USP34: variants seen among roughly 807,000 people sequenced by gnomAD.
USP34 encodes ubiquitin carboxyl-terminal hydrolase 34.
Under a neutral mutation model 460.3 loss-of-function variants are expected in USP34, and 70 were observed. The observed-to-expected ratio is 0.15, with a 90% CI of 0.13 to 0.19. The LOEUF is 0.19. USP34 is among the 10% of genes least tolerant of loss of function. The pLI is 1.00. For missense variants in USP34, 3,985 were observed against 4,236.2 expected (o/e 0.94, Z 1.65); for synonymous variants, 1,647 against 1,405.3 (o/e 1.17, Z -3.85).
intron 23 of USP34, 120 bp from the exon 24 acceptor site, chr2:61,315,094 AAAAT>A (rs1558525810): frequency 9.1e-6 from 6 of 656,864 alleles, no homozygotes; most frequent in Non-Finnish European, 1.5e-5. Context: ...TTAAATAATA[AAAAT>A]AAATGATTTA....
chr2:61,193,083 G>A (rs911641455), intron 75 of USP34, 103 bp from the exon 76 acceptor site: 2 of 860,440 alleles, frequency 2.3e-6, no homozygotes, highest in African/African-American at 1.7e-5. Context: ...AGTCATAACT[G>A]CATATTTTCT....
chr2:61,294,844 A>T, intron 32 of USP34, 105 bp downstream of exon 32: 1 of 900,610 alleles, frequency 1.1e-6, no homozygotes, highest in Non-Finnish European at 1.7e-6. Context: ...GCTTTATTTT[A>T]ATAGTATATT....
chr2:61,289,238 A>T (rs962649080), intron 33 of USP34, among the ~76,000 whole-genome samples: 2 of 152,148 alleles, frequency 1.3e-5, no homozygotes. Flanking sequence ...GATATTACTT[A>T]TCAATAAAAT....
rs777507525 is a variant in USP34, at chr2:61,293,518, T to C, written c.4494A>G (p.Leu1498=). The C allele has an allele frequency of 9.5e-5, 154 of 1,612,896 alleles. No individual in the cohort carries two copies. The highest frequency in any genetic ancestry group is 1.2e-4 in the Non-Finnish European group (138 of 1,179,398). ...CTAGAATTCCAGAATTAAAAATTTC[T>C]AATAACTGTTGAAGCCCTCCAGCAG... is the stretch of plus-strand genomic sequence containing the variant. The part of the protein sequence containing the change: ...FVAAGGLQQL[L]EIFNSGILEP... Residue 1498 remains leucine, a synonymous_variant, in exon 33 of 80, where the codon TTA becomes TTG. Coordinates refer to ENST00000398571, the MANE Select transcript of USP34 (RefSeq NM_014709.4).
At chr2:61,350,531 G>A (rs1328971958) in intron 11 of USP34, 37 bp downstream of exon 11, 3 of 1,560,370 alleles carry the variant, frequency 1.9e-6, no homozygotes, top group Non-Finnish European at 2.6e-6. Flanking sequence ...TCACTTCACG[G>A]GAAAAAAAAA....
chr2:61,350,051 G>A (rs1420632146), intron 12 of USP34, among the ~76,000 whole-genome samples: 1 of 151,876 alleles, frequency 6.6e-6, no homozygotes, highest in Non-Finnish European at 1.5e-5. Context: ...AGAAAATCCA[G>A]TAACTACAAA....
intron 8 of USP34, among the ~76,000 whole-genome samples, chr2:61,374,722 C>T (rs527295877): frequency 6.6e-6 from 1 of 152,068 alleles, no homozygotes; most frequent in South Asian, 2.1e-4. Context: ...TGATTCACCA[C>T]CAGGCCCAGC....
chr2:61,384,039 ATC>A (rs1395040645), intron 5 of USP34, among the ~76,000 whole-genome samples: 1 of 152,116 alleles, frequency 6.6e-6, no homozygotes, highest in Non-Finnish European at 1.5e-5. Context: ...TTAACTAATC[ATC>A]TCATCATTCC....
At chr2:61,350,451 T>C (rs1691911330) in intron 11 of USP34, 62 bp from the exon 12 acceptor site, 1 of 1,571,674 alleles carries the variant, frequency 6.4e-7, no homozygotes, top group South Asian at 1.2e-5. Context: ...AAATTTAATA[T>C]CCTTTTTGTC....
intron 49 of USP34, 96 bp downstream of exon 49, chr2:61,248,415 G>A: frequency 7.9e-7 from 1 of 1,267,130 alleles, no homozygotes; most frequent in Non-Finnish European, 1.1e-6. Flanking sequence ...TTCAATTTTT[G>A]TTAACTGTGT....
At chr2:61,193,076 C>T in intron 75 of USP34, 96 bp from the exon 76 acceptor site, 1 of 895,878 alleles carries the variant, frequency 1.1e-6, no homozygotes, top group Non-Finnish European at 1.7e-6. Context: ...TATTTCTAGT[C>T]ATAACTGCAT....
intron 3 of USP34, among the ~76,000 whole-genome samples, chr2:61,396,299 C>T (rs1161836501): frequency 1.3e-5 from 2 of 152,098 alleles, no homozygotes; most frequent in Admixed American, 6.6e-5. Context: ...TTTTGGAAGG[C>T]TATTTGGCAA....
intron 15 of USP34, among the ~76,000 whole-genome samples, chr2:61,345,677 C>A (rs1691745976): frequency 6.6e-6 from 1 of 152,184 alleles, no homozygotes; most frequent in Admixed American, 6.5e-5. Flanking sequence ...TTCTATTGCC[C>A]AGGCTGAAGT....
intron 1 of USP34, among the ~76,000 whole-genome samples, chr2:61,438,255 A>C (rs951918226): frequency 5.3e-5 from 8 of 152,236 alleles, no homozygotes; most frequent in Admixed American, 1.3e-4. Flanking sequence ...CAAAAACCAT[A>C]GGATCATCTC....
At chr2:61,251,251 A>G (rs1392498334) in intron 48 of USP34, among the ~76,000 whole-genome samples, 1 of 152,252 alleles carries the variant, frequency 6.6e-6, no homozygotes, top group Admixed American at 6.5e-5. Context: ...CAATTTTACT[A>G]GTCTTGATGT....
intron 37 of USP34, 21 bp from the exon 38 acceptor site, chr2:61,281,263 CACAA>C: frequency 2.5e-6 from 4 of 1,602,608 alleles, no homozygotes; most frequent in Non-Finnish European, 3.4e-6. Flanking sequence ...AAGAAAGTTC[CACAA>C]ACAGTGAGAG....
chr2:61,417,356 T>A (rs577079757), intron 2 of USP34: 1 of 597,830 alleles, frequency 1.7e-6, no homozygotes, highest in Non-Finnish European at 3.0e-6. Flanking sequence ...GGAAAGGAAT[T>A]CAGTCAGCTT....
intron 3 of USP34, among the ~76,000 whole-genome samples, chr2:61,401,149 CA>C (rs60805364): frequency 1.1e-3 from 114 of 104,814 alleles, no homozygotes; most frequent in Admixed American, 1.8e-3. Context: ...GACTCTGTCT[CA>C]AAAAAAAAAA....
intron 23 of USP34, among the ~76,000 whole-genome samples, chr2:61,317,311 A>C (rs1362374466): frequency 6.6e-6 from 1 of 152,064 alleles, no homozygotes; most frequent in African/African-American, 2.4e-5. Context: ...CAGATCACTT[A>C]AGGTCAGGAG....
Sources: gnomAD v4.1 joint callset for allele counts (sites outside exome capture counted in the v4.1 genomes callset) on GRCh38, gnomAD v4.1.1 for gene constraint, MANE v1.5 for transcripts, NCBI Gene and HGNC (gene_info 2026-07-23, HGNC 2026-07-21) for gene names.